NEDD4L: variants seen among roughly 807,000 people sequenced by gnomAD.
NEDD4L encodes the protein NEDD4 like E3 ubiquitin protein ligase.
Under a neutral mutation model 148.9 loss-of-function variants are expected in NEDD4L, and 54 were observed. The ratio of observed to expected loss-of-function variants is 0.36; its 90% CI spans 0.29 to 0.45. NEDD4L has a LOEUF of 0.45. Ranked by LOEUF, NEDD4L falls within the 20% of genes least tolerant of loss-of-function variation. The pLI, the probability that NEDD4L is intolerant of heterozygous loss-of-function variation, is 1.00. For synonymous variants in NEDD4L, 433 were observed against 440.7 expected (o/e 0.98, Z 0.22); for missense variants, 856 against 1,233.8 (o/e 0.69, Z 4.59).
intron 2 of NEDD4L, chr18:58,195,450 AG>A: frequency 7.6e-7 from 1 of 1,323,150 alleles, no homozygotes; most frequent in African/African-American, 1.5e-5. Flanking sequence ...CATCCGCGGC[AG>A]CAGCTTCCAA....
At chr18:58,203,888 C>T (rs184696597) in intron 2 of NEDD4L, among the ~76,000 whole-genome samples, 188 of 152,220 alleles carry the variant, frequency 1.2e-3, no homozygotes, top group Admixed American at 4.7e-3. Context: ...GTTTTTCAGT[C>T]TGAAGATTTA....
At chr18:58,155,383 A>G (rs1222866509) in intron 1 of NEDD4L, among the ~76,000 whole-genome samples, 1 of 152,072 alleles carries the variant, frequency 6.6e-6, no homozygotes, top group Non-Finnish European at 1.5e-5. Context: ...TTTATGAGGA[A>G]ACTGGAAAAA....
Position 58,263,707 on chromosome 18 carries a change from G to T in NEDD4L, c.297+11653G>T, listed in dbSNP as rs537093536. ...TCTCTCATGTTCTTTTCAAATGCAT[G>T]GCTAGGTAGTTACCTCATGAAGGAA... On this transcript the variant is annotated intron_variant, in intron 5 of 30. Transcript: ENST00000400345. 2.4e-5 allele frequency among the ~76,000 whole-genome samples: 3 copies of T among 126,032 alleles called. No homozygotes were observed. In the Admixed American group the frequency reaches 2.9e-4, roughly 12 times the overall value. 82.7% of individuals were successfully genotyped at this position (126,032 alleles called of 152,430 possible). A position where few individuals can be genotyped will look rare whatever the true frequency, so the allele number is the denominator to read the frequency against.
chr18:58,130,616 A>G (rs59158229), intron 1 of NEDD4L, among the ~76,000 whole-genome samples: 17,794 of 74,964 alleles, frequency 0.24, 3,512 homozygotes, highest in Non-Finnish European at 0.27. Flanking sequence ...GTGATCTAGC[A>G]GAACTGTGGC....
chr18:58,212,957 C>G (rs1568399725), intron 2 of NEDD4L, among the ~76,000 whole-genome samples: 1 of 151,460 alleles, frequency 6.6e-6, no homozygotes, highest in Non-Finnish European at 1.5e-5. Flanking sequence ...CAAATGCAGA[C>G]AGCTAGCTGG....
At chr18:58,070,275 A>ATTTT (rs1042029769) in intron 1 of NEDD4L, among the ~76,000 whole-genome samples, 1 of 151,498 alleles carries the variant, frequency 6.6e-6, no homozygotes, top group African/African-American at 2.4e-5. Flanking sequence ...TTATTTATTT[A>ATTTT]TTTTTTTGAG....
At chr18:58,048,610 ATTAT>A (rs2081706234) in intron 1 of NEDD4L, among the ~76,000 whole-genome samples, 1 of 152,204 alleles carries the variant, frequency 6.6e-6, no homozygotes, top group African/African-American at 2.4e-5. Context: ...TACTATCTAG[ATTAT>A]TTAAGATAAT....
rs151090277 is a variant in NEDD4L, at chr18:58,382,347, C to T, written c.2353-899C>T. On this transcript the variant is annotated intron_variant, in intron 24 of 30. Transcript: ENST00000400345. ...CCATCCCTCCTGGGTACCACCCTAA[C>T]ACTTACTTTGGAAAACCCTCTCCCC... Among the ~76,000 whole-genome samples the T allele has an allele frequency of 8.9e-3, 1,359 of 152,292 alleles. 10 individuals carry two copies. The highest frequency in any genetic ancestry group is 0.017 in the Middle Eastern group (5 of 294).
At chr18:58,216,581 TTGAC>T (rs1304925840) in intron 2 of NEDD4L, among the ~76,000 whole-genome samples, 1 of 152,098 alleles carries the variant, frequency 6.6e-6, no homozygotes, top group Non-Finnish European at 1.5e-5. Flanking sequence ...GATCTGTTGA[TTGAC>T]TGGATGTGTA....
At chr18:58,375,070 A>G (rs1003113369) in intron 24 of NEDD4L, among the ~76,000 whole-genome samples, 2 of 151,726 alleles carry the variant, frequency 1.3e-5, no homozygotes, top group Admixed American at 6.6e-5. Flanking sequence ...CAGTGCCACC[A>G]CTGTCCCCTC....
At chr18:58,342,612 T>A (rs2042577281) in intron 15 of NEDD4L, among the ~76,000 whole-genome samples, 1 of 152,108 alleles carries the variant, frequency 6.6e-6, no homozygotes, top group Non-Finnish European at 1.5e-5. Context: ...CACATTTTTC[T>A]CCACTCTGTA....
intron 24 of NEDD4L, among the ~76,000 whole-genome samples, chr18:58,377,588 T>C (rs1033894010): frequency 1.3e-5 from 2 of 152,126 alleles, no homozygotes; most frequent in African/African-American, 4.8e-5. Context: ...TGAACTATGA[T>C]CCTGTGCCAA....
At chr18:58,074,888 A>G (rs1326079658) in intron 1 of NEDD4L, among the ~76,000 whole-genome samples, 2 of 152,190 alleles carry the variant, frequency 1.3e-5, no homozygotes, top group Admixed American at 6.5e-5. Flanking sequence ...GTAAAAGATG[A>G]TAGGCTGAAA....
chr18:58,183,687 T>C (rs1164719244), intron 2 of NEDD4L, among the ~76,000 whole-genome samples: 1 of 152,240 alleles, frequency 6.6e-6, no homozygotes, highest in Non-Finnish European at 1.5e-5. Flanking sequence ...CTTGTGGGTG[T>C]CATTTCAGAT....
intron 1 of NEDD4L, among the ~76,000 whole-genome samples, chr18:58,126,880 T>A (rs551143857): frequency 3.3e-4 from 51 of 152,340 alleles, no homozygotes; most frequent in African/African-American, 1.2e-3. Context: ...AGACTCTCAC[T>A]CTGCCTTGGC....
chr18:58,075,395 CCCT>C (rs2144985700), intron 1 of NEDD4L, among the ~76,000 whole-genome samples: 1 of 152,270 alleles, frequency 6.6e-6, no homozygotes, highest in East Asian at 1.9e-4. Flanking sequence ...TTGTGATCCA[CCCT>C]CCTCAGCCCC....
chr18:58,126,409 C>A (rs1439909880), intron 1 of NEDD4L, among the ~76,000 whole-genome samples: 8 of 152,216 alleles, frequency 5.3e-5, no homozygotes, highest in Non-Finnish European at 1.2e-4. Context: ...GCTTGGGACC[C>A]CTTTCACGTG....
intron 5 of NEDD4L, among the ~76,000 whole-genome samples, chr18:58,255,068 C>T (rs954675908): frequency 3.3e-5 from 5 of 152,134 alleles, no homozygotes; most frequent in African/African-American, 9.7e-5. Flanking sequence ...TTCCGTGTGG[C>T]GGAAGGTGGG....
In NEDD4L at chr18:58,075,768, A is replaced by AT. The variant is rs769915456; in HGVS notation, c.48+31070dup. Among the ~76,000 whole-genome samples the AT allele has an allele frequency of 2.9e-3, 440 of 150,838 alleles. 1 individual carries two copies. The highest frequency in any genetic ancestry group is 4.3e-3 in the Non-Finnish European group (288 of 67,558). On this transcript the variant is annotated intron_variant, in intron 1 of 30. Coordinates refer to ENST00000400345, the MANE Select transcript of NEDD4L (RefSeq NM_001144967.3). ...ATAGCAAGACCCCCATCCCTACAAA[A>AT]TTTTTTTTTTAAATTAGCTGGTGGT...
Sources: gnomAD v4.1 joint callset for allele counts (sites outside exome capture counted in the v4.1 genomes callset) on GRCh38, gnomAD v4.1.1 for gene constraint, MANE v1.5 for transcripts, NCBI Gene and HGNC (gene_info 2026-07-23, HGNC 2026-07-21) for gene names.